UBAP1L: variants seen among roughly 807,000 people sequenced by gnomAD.
The protein encoded by UBAP1L is ubiquitin-associated protein 1-like.
UBAP1L carries 32 observed loss-of-function variants against 32.1 expected under a neutral mutation model. The observed-to-expected ratio is 1.00, with a 90% CI of 0.75 to 1.34. The LOEUF is 1.34. Among genes scored for constraint, UBAP1L ranks in the 40% most tolerant of loss-of-function variants. The pLI is 0.00. For missense variants in UBAP1L, 516 were observed against 540.5 expected, an observed-to-expected ratio of 0.95 and a Z score of 0.45; for synonymous variants, 243 against 250.2, an observed-to-expected ratio of 0.97 and a Z score of 0.27.
intron 4 of UBAP1L, 42 bp downstream of exon 4, chr15:65,099,463 C>G (rs371100691): frequency 1.7e-5 from 26 of 1,538,686 alleles, no homozygotes; most frequent in Non-Finnish European, 2.1e-5. Context: ...ACTCACCTGG[C>G]TCCAGCATCA....
Position 65,094,658 on chromosome 15 carries a change from G to A in UBAP1L, c.910-82C>T. 9.3e-7 allele frequency: 1 copy of A among 1,072,140 alleles called. No homozygotes were observed. 66.4% of individuals were successfully genotyped at this position (1,072,140 alleles called of 1,614,324 possible). On this transcript the variant is annotated intron_variant, in intron 4 of 5. Transcript: ENST00000559089. This position sits in a 1 kb window ranked among gnomAD's most constrained non-coding sequence, Gnocchi z 4.2. ...GACAGGGCAGAGAGGCACTCCAAGGGCCTGAGCTGAGGGCCAGGCAACAGG... is the reference window on the plus strand; with the variant it reads ...GACAGGGCAGAGAGGCACTCCAAGGACCTGAGCTGAGGGCCAGGCAACAGG...
rs926829221 is a variant in UBAP1L, at chr15:65,106,096, C to G, written c.120G>C (p.Met40Ile). 2 of 1,551,312 alleles carry G rather than the reference C, an allele frequency of 1.3e-6. No individual in the cohort carries two copies. Among genetic ancestry groups the G allele is most frequent in the Admixed American group, 2.0e-5 (1 of 50,890 alleles). Residue 40 changes from methionine to isoleucine, a missense_variant and splice_region_variant, in exon 2 of 6, where the codon ATG becomes ATC. Coordinates refer to ENST00000559089, the MANE Select transcript of UBAP1L (RefSeq NM_001163692.2). ...GACAGAAACACAGAGACACACTTAC[C>G]ATAGAACCCAGCAGAACTTCCCCGC... ...PACGEVLLGSMHDFSLERTAL... is the reference protein window; with the variant it reads ...PACGEVLLGSIHDFSLERTAL...
Position 65,102,491 on chromosome 15 carries a change from G to T in UBAP1L, c.314C>A (p.Pro105Gln). 1 of 1,450,954 alleles carries T rather than the reference G, an allele frequency of 6.9e-7. No homozygotes were observed. Among genetic ancestry groups the T allele is most frequent in the African/African-American group, 1.5e-5 (1 of 68,062 alleles). 89.9% of individuals were successfully genotyped at this position (1,450,954 alleles called of 1,614,324 possible). A position where few individuals can be genotyped will look rare whatever the true frequency, so the allele number is the denominator to read the frequency against. The change falls in exon 3 of 6, where the codon CCG (proline) becomes CAG (glutamine). Residue 105 changes from proline (P) to glutamine (Q), a missense_variant. Pro to Gln is a moderately conservative substitution (Grantham distance 76). Transcript: ENST00000559089. The surrounding 1 kb of genome is among the most constrained non-coding windows in gnomAD (Gnocchi z 5.0). ...RDPEAGHQER[P>Q]EEEGEDEAEA... Reference sequence around the variant, plus strand: ...TGCCTCGTCCTCACCCTCCTCCTCCGGCCTCTCCTGGTGTCCGGCCTCCGG... The same window carrying T: ...TGCCTCGTCCTCACCCTCCTCCTCCTGCCTCTCCTGGTGTCCGGCCTCCGG...
intron 1 of UBAP1L, among the ~76,000 whole-genome samples, chr15:65,108,752 C>T (rs1030985531): frequency 2.1e-5 from 3 of 146,218 alleles, no homozygotes; most frequent in Admixed American, 1.4e-4. Context: ...GACACTGTCT[C>T]AAATAAATAA....
chr15:65,102,757 G>T lies in UBAP1L; in HGVS notation c.121-73C>A. The T allele has an allele frequency of 7.2e-7, 1 of 1,387,712 alleles. No homozygotes were observed. Among genetic ancestry groups the T allele is most frequent in the Non-Finnish European group, 9.7e-7 (1 of 1,030,918 alleles). 86.0% of individuals were successfully genotyped at this position (1,387,712 alleles called of 1,614,324 possible). A position where few individuals can be genotyped will look rare whatever the true frequency, so the allele number is the denominator to read the frequency against. On this transcript the variant is annotated intron_variant, in intron 2 of 5. Transcript: ENST00000559089. This position sits in a 1 kb window ranked among gnomAD's most constrained non-coding sequence, Gnocchi z 5.0. The stretch of plus-strand genomic sequence containing the variant: ...GGGCACAACACTAACCCCTGGCCTG[G>T]GGGACCCTGTTCAGCCAGAGACTCT...
Position 65,102,290 on chromosome 15 carries a change from C to T in UBAP1L, c.515G>A (p.Arg172His). The T allele has an allele frequency of 4.3e-6, 6 of 1,394,450 alleles. No homozygotes were observed. The South Asian group carries it at 6.0e-5, about 14-fold the overall frequency. 86.4% of individuals were successfully genotyped at this position (1,394,450 alleles called of 1,614,324 possible). ...LSEGKLVSRP[R>H]ALLHGLRGHR... Reference sequence around the variant, plus strand: ...GCCGCGGAGGCCATGCAGGAGGGCGCGGGGCCGGGAGACCAGCTTCCCCTC... The same window carrying T: ...GCCGCGGAGGCCATGCAGGAGGGCGTGGGGCCGGGAGACCAGCTTCCCCTC... Residue 172 changes from arginine (R) to histidine (H), a missense_variant, in exon 3 of 6, where the codon CGC becomes CAC. Coordinates refer to ENST00000559089, the MANE Select transcript of UBAP1L (RefSeq NM_001163692.2). This position sits in a 1 kb window ranked among gnomAD's most constrained non-coding sequence, Gnocchi z 5.0.
In UBAP1L at chr15:65,099,546, T is replaced by C. The variant is rs2087215773; in HGVS notation, c.868A>G (p.Ile290Val). The change falls in exon 4 of 6, where the codon ATC becomes GTC. Residue 290 changes from isoleucine to valine, a missense_variant. Ile to Val is a conservative substitution (Grantham distance 29). Transcript: ENST00000559089. ...CTCCCTGTCTTCTGCAGAGCTATGATGGCCCTTCGCAGGGGATATCCCAGG... is the reference window on the plus strand; with the variant it reads ...CTCCCTGTCTTCTGCAGAGCTATGACGGCCCTTCGCAGGGGATATCCCAGG... ...VALGYPLRRA[I>V]IALQKTGRQS... The C allele has an allele frequency of 1.3e-6, 2 of 1,551,156 alleles. No homozygotes were observed. Among genetic ancestry groups the C allele is most frequent in the Admixed American group, 2.0e-5 (1 of 50,982 alleles).
At chr15:65,108,941 G>A (rs1254757814) in intron 1 of UBAP1L, among the ~76,000 whole-genome samples, 2 of 151,836 alleles carry the variant, frequency 1.3e-5, no homozygotes, top group African/African-American at 2.4e-5. Flanking sequence ...CAGATCGCTT[G>A]AGGTTGGGAG....
rs2087216391 is a variant in UBAP1L at position 65,099,591 on chromosome 15, G to C, written c.823C>G (p.Leu275Val). ...LSALSQEEQD[L>V]IGPVVALGYP... is the part of the protein sequence containing the mutation. ...CCCAGGGCGACCACTGGCCCAATGAGGTCTTGCTCCTCCTGGCTCAGGGCG... is the reference window on the plus strand; with the variant it reads ...CCCAGGGCGACCACTGGCCCAATGACGTCTTGCTCCTCCTGGCTCAGGGCG... Residue 275 changes from leucine to valine, a missense_variant, in exon 4 of 6, where the codon CTC (leucine) becomes GTC (valine). By Grantham distance (32) the Leu-to-Val change is conservative (BLOSUM62 1). Coordinates refer to ENST00000559089, the MANE Select transcript of UBAP1L (RefSeq NM_001163692.2). 1 of 1,551,532 alleles carries C rather than the reference G, an allele frequency of 6.4e-7. No individual in the cohort carries two copies. The highest frequency in any genetic ancestry group is 1.4e-5 in the African/African-American group (1 of 73,052).
intron 1 of UBAP1L, 23 bp from the exon 2 acceptor site, chr15:65,106,411 T>G: frequency 1.6e-5 from 8 of 501,136 alleles, no homozygotes; most frequent in South Asian, 3.6e-5. Context: ...AGGAAATGAA[T>G]AAAAACAAGA....
At chr15:65,111,285 A>G (rs1008956502) in intron 1 of UBAP1L, among the ~76,000 whole-genome samples, 7 of 152,160 alleles carry the variant, frequency 4.6e-5, no homozygotes, top group African/African-American at 1.7e-4. Flanking sequence ...TCTCAGATTT[A>G]TTATTCACAT....
intron 1 of UBAP1L, among the ~76,000 whole-genome samples, chr15:65,110,365 C>CAAAA (rs2087360450): frequency 7.1e-6 from 1 of 140,648 alleles, no homozygotes; most frequent in Admixed American, 7.2e-5. Context: ...CTCCAAAAAA[C>CAAAA]AAAACAAAAC....
chr15:65,105,742 G>C, intron 2 of UBAP1L: 2 of 699,772 alleles, frequency 2.9e-6, no homozygotes, highest in Admixed American at 3.5e-5. Context: ...GTTGGTAGGT[G>C]TGCCCAGGTC....
At chr15:65,104,345 A>G (rs1056201653) in intron 2 of UBAP1L, among the ~76,000 whole-genome samples, 2 of 152,064 alleles carry the variant, frequency 1.3e-5, no homozygotes, top group African/African-American at 4.8e-5. Flanking sequence ...AGAAGAAAAG[A>G]AAAGAAAAGA....
intron 1 of UBAP1L, among the ~76,000 whole-genome samples, chr15:65,112,977 C>T (rs2087378778): frequency 6.6e-6 from 1 of 152,236 alleles, no homozygotes; most frequent in African/African-American, 2.4e-5. Context: ...CCCCCATTAT[C>T]TCTCACCTGG....
intron 2 of UBAP1L, chr15:65,105,520 G>C (rs1471781928): frequency 8.2e-6 from 4 of 489,836 alleles, no homozygotes; most frequent in Non-Finnish European, 1.5e-5. Flanking sequence ...AGTGGCCTGA[G>C]GTAATCTGTG....
At chr15:65,112,904 T>C (rs1284288859) in intron 1 of UBAP1L, among the ~76,000 whole-genome samples, 1 of 152,182 alleles carries the variant, frequency 6.6e-6, no homozygotes, top group Non-Finnish European at 1.5e-5. Flanking sequence ...TGAATTTTTA[T>C]CTCCTAAATC....
intron 2 of UBAP1L, among the ~76,000 whole-genome samples, chr15:65,104,288 A>G (rs1206899856): frequency 6.6e-6 from 1 of 151,726 alleles, no homozygotes; most frequent in African/African-American, 2.4e-5. Flanking sequence ...AAGAAAAGAA[A>G]AGAGAGAGAG....
At chr15:65,106,696 A>C (rs1177867777) in intron 1 of UBAP1L, among the ~76,000 whole-genome samples, 1 of 145,770 alleles carries the variant, frequency 6.9e-6, no homozygotes, top group Admixed American at 7.0e-5. Context: ...GCTGGAGTGC[A>C]GTAGCCTGAT....
Sources: allele counts gnomAD v4.1 joint callset (sites outside exome capture counted in the v4.1 genomes callset), GRCh38; gene constraint gnomAD v4.1.1; non-coding constraint Gnocchi (gnomAD v3.1); transcripts MANE v1.5; gene names NCBI Gene and HGNC (gene_info 2026-07-23, HGNC 2026-07-21).